Variants in EDAR observed in about 807,000 individuals in gnomAD.
The protein encoded by EDAR is tumor necrosis factor receptor superfamily member EDAR.
Under a neutral mutation model 51.3 loss-of-function variants are expected in EDAR, and 38 were observed. The ratio of observed to expected loss-of-function variants is 0.74; its 90% confidence interval spans 0.57 to 0.97. The LOEUF is 0.97. EDAR is among the 50% of genes least tolerant of loss of function. The pLI is 0.00. For missense variants in EDAR, 528 were observed against 595.0 expected, an observed-to-expected ratio of 0.89 and a Z score of 1.17; for synonymous variants, 227 against 242.1, an observed-to-expected ratio of 0.94 and a Z score of 0.58.
At chr2:108,973,577 C>G (rs1211388279) in intron 1 of EDAR, among the ~76,000 whole-genome samples, 1 of 152,134 alleles carries the variant, frequency 6.6e-6, no homozygotes, top group Non-Finnish European at 1.5e-5. Flanking sequence ...CTCCTGGAAT[C>G]CTCAATGACT....
chr2:108,967,935 C>T lies in EDAR; in HGVS notation c.-19+21025G>A, dbSNP rs13414744. Among the ~76,000 whole-genome samples the T allele has an allele frequency of 3.8e-3, 579 of 152,262 alleles. 5 individuals carry two copies. Among genetic ancestry groups the T allele is most frequent in the African/African-American group, 0.014 (570 of 41,556 alleles). ...CTAAGACCTGTCAAATCCGGCTTTG[C>T]GGAGCTGGAGGGCCCCAGCCACAGG... On this transcript the variant is annotated intron_variant, in intron 1 of 11. Coordinates refer to ENST00000258443, the MANE Select transcript of EDAR (RefSeq NM_022336.4).
chr2:108,967,502 C>A (rs556455711), intron 1 of EDAR, among the ~76,000 whole-genome samples: 2 of 152,190 alleles, frequency 1.3e-5, no homozygotes, highest in South Asian at 4.1e-4. Flanking sequence ...GTCTTTTTAT[C>A]CTTTTTTTAT....
chr2:108,935,910 C>T (rs1446379546), intron 1 of EDAR, among the ~76,000 whole-genome samples: 1 of 152,208 alleles, frequency 6.6e-6, no homozygotes, highest in East Asian at 1.9e-4. Context: ...CTCTGAGCTG[C>T]TCGCCTCTTG....
chr2:108,957,275 A>G (rs1697944008), intron 1 of EDAR, among the ~76,000 whole-genome samples: 1 of 152,224 alleles, frequency 6.6e-6, no homozygotes. Context: ...CGTGAGACAG[A>G]TGAAAGCCTG....
intron 4 of EDAR, among the ~76,000 whole-genome samples, chr2:108,926,475 G>A (rs143874291): frequency 1.4e-4 from 22 of 152,254 alleles, no homozygotes; most frequent in Non-Finnish European, 2.4e-4. Flanking sequence ...AAGGGACGCC[G>A]CAGATTCCCA....
In EDAR at chr2:108,949,025, G is replaced by A. The variant is rs142962187; in HGVS notation, c.-18-17993C>T. On this transcript the variant is annotated intron_variant, in intron 1 of 11. Coordinates refer to ENST00000258443, the MANE Select transcript of EDAR (RefSeq NM_022336.4). ...AGAGTCTCACTCTGTCACCCAGGCT[G>A]GAGTGCAGTGGTACAATCATGGCTT... Among the ~76,000 whole-genome samples, 767 of 152,288 alleles carry A rather than the reference G, an allele frequency of 5.0e-3. 5 individuals are homozygous for A. The highest frequency in any genetic ancestry group is 7.0e-3 in the Non-Finnish European group (477 of 68,024).
intron 1 of EDAR, among the ~76,000 whole-genome samples, chr2:108,988,575 A>G (rs1307845466): frequency 1.3e-5 from 2 of 152,158 alleles, no homozygotes; most frequent in Non-Finnish European, 2.9e-5. Flanking sequence ...GAGCCCAGCT[A>G]GAGTCCCTGC....
chr2:108,933,252 C>T (rs1041441523), intron 1 of EDAR, among the ~76,000 whole-genome samples: 7 of 152,140 alleles, frequency 4.6e-5, no homozygotes, highest in African/African-American at 1.7e-4. Context: ...TAACTGAAAT[C>T]GGGTGGGGGT....
At chr2:108,985,295 T>G (rs1158348297) in intron 1 of EDAR, among the ~76,000 whole-genome samples, 1 of 152,196 alleles carries the variant, frequency 6.6e-6, no homozygotes, top group African/African-American at 2.4e-5. Context: ...GTAACGTGAC[T>G]GTGGTTGTTA....
chr2:108,941,947 G>C (rs1243421322), intron 1 of EDAR, among the ~76,000 whole-genome samples: 1 of 152,248 alleles, frequency 6.6e-6, no homozygotes, highest in East Asian at 1.9e-4. Flanking sequence ...GCACAGAGAG[G>C]CCTGTCCATG....
At chr2:108,964,484 C>T (rs777798948) in intron 1 of EDAR, among the ~76,000 whole-genome samples, 1 of 152,146 alleles carries the variant, frequency 6.6e-6, no homozygotes, top group Admixed American at 6.5e-5. Context: ...AAAGTCCCTA[C>T]TCTAAGAGGA....
At chr2:108,975,620 A>C (rs1266982445) in intron 1 of EDAR, among the ~76,000 whole-genome samples, 3 of 152,144 alleles carry the variant, frequency 2.0e-5, no homozygotes, top group East Asian at 3.9e-4. Flanking sequence ...GGCAGCCAGC[A>C]CCAATAAGCC....
chr2:108,908,630 C>T (rs565466289), intron 9 of EDAR, among the ~76,000 whole-genome samples: 9 of 152,296 alleles, frequency 5.9e-5, no homozygotes, highest in East Asian at 1.9e-4. Flanking sequence ...AGGTTCATGC[C>T]GCCCTGTGGC....
At chr2:108,924,728 A>C (rs552933580) in intron 4 of EDAR, among the ~76,000 whole-genome samples, 5 of 152,144 alleles carry the variant, frequency 3.3e-5, no homozygotes, top group African/African-American at 4.8e-5. Context: ...TGTATCTTGT[A>C]AACATTAATT....
At chr2:108,971,919 G>C (rs260695) in intron 1 of EDAR, among the ~76,000 whole-genome samples, 134,178 of 152,240 alleles carry the variant, frequency 0.88, 60,633 homozygotes, top group Non-Finnish European at 0.97. Context: ...CTGCTGTGCC[G>C]TGGCTGCTGC....
intron 5 of EDAR, among the ~76,000 whole-genome samples, chr2:108,922,317 G>T (rs1267098923): frequency 6.6e-6 from 1 of 152,242 alleles, no homozygotes; most frequent in Non-Finnish European, 1.5e-5. Context: ...ATGGCAGCTG[G>T]CTTCACCATG....
rs764223500 is a variant in EDAR at position 108,929,367 on chromosome 2, C to T, written c.187G>A (p.Gly63Ser). ...GEEPYLSCGY[G>S]TKDEDYGCVP... Reference sequence around the variant, plus strand: ...CAGCCGTAGTCCTCGTCTTTGGTGCCGTAGCCACAGGACTGTCCAGGGAAA... The same window carrying T: ...CAGCCGTAGTCCTCGTCTTTGGTGCTGTAGCCACAGGACTGTCCAGGGAAA... The change falls in exon 4 of 12, where the codon GGC (glycine) becomes AGC (serine). Residue 63 changes from glycine (G) to serine (S), a missense_variant. By Grantham distance (56) the Gly-to-Ser change is moderately conservative. Coordinates refer to ENST00000258443, the MANE Select transcript of EDAR (RefSeq NM_022336.4). 31 of 1,614,044 alleles carry T rather than the reference C, an allele frequency of 1.9e-5. No individual in the cohort carries two copies. The East Asian group carries it at 2.9e-4, about 15-fold the overall frequency.
rs1698189954 is a variant in EDAR at position 108,968,763 on chromosome 2, T to A, written c.-19+20197A>T. On this transcript the variant is annotated intron_variant, in intron 1 of 11. Coordinates refer to ENST00000258443, the MANE Select transcript of EDAR (RefSeq NM_022336.4). ...AGCCATCGAACACTAGGAAATAAGG[T>A]CATGTGGAAGGAAACTAGCTTTCCA... Among the ~76,000 whole-genome samples, 5 of 152,254 alleles carry A rather than the reference T, an allele frequency of 3.3e-5. No individual in the cohort carries two copies. In the South Asian group the frequency reaches 8.3e-4, roughly 25 times the overall value.
intron 1 of EDAR, 58 bp from the exon 2 acceptor site, chr2:108,931,090 G>T: frequency 6.8e-7 from 1 of 1,461,634 alleles, no homozygotes; most frequent in Non-Finnish European, 9.6e-7. Flanking sequence ...CGGGGGTCTG[G>T]CTACCTTTAT....
Sources: gnomAD v4.1 joint callset for allele counts (sites outside exome capture counted in the v4.1 genomes callset) on GRCh38, gnomAD v4.1.1 for gene constraint, MANE v1.5 for transcripts, NCBI Gene and HGNC (gene_info 2026-07-23, HGNC 2026-07-21) for gene names.